Variants in GLOD5 observed in about 807,000 individuals in gnomAD.
GLOD5 encodes the protein glyoxalase domain-containing protein 5.
In GLOD5, 7 loss-of-function variants were observed where a neutral mutation model predicts 9.9. That is an observed-to-expected ratio of 0.71 (90% CI 0.40 to 1.33). The LOEUF is 1.33. Ranked by LOEUF, GLOD5 falls within the 40% of genes most tolerant of loss-of-function variation. The pLI, the probability that GLOD5 is intolerant of heterozygous loss-of-function variation, is 0.01. For synonymous variants in GLOD5, 49 were observed against 47.3 expected, an observed-to-expected ratio of 1.04 and a Z score of -0.14; for missense variants, 146 against 128.4, an observed-to-expected ratio of 1.14 and a Z score of -0.66.
intron 1 of GLOD5, chrX:48,762,384 G>C (rs2062598492): frequency 9.1e-6 from 1 of 109,691 alleles, no homozygotes; most frequent in Admixed American, 9.8e-5. Flanking sequence ...TATTTTTGTA[G>C]AGTGTGTAAA....
intron 1 of GLOD5, chrX:48,762,436 C>CTTTTTTTTT (rs782634445): frequency 1.1e-5 from 1 of 91,063 alleles, no homozygotes; most frequent in African/African-American, 4.0e-5. Context: ...ATTACTATGT[C>CTTTTTTTTT]TTTTTTTTTT....
At chrX:48,770,085 G>A (rs782131932) in intron 2 of GLOD5, among the ~76,000 whole-genome samples, 1 of 108,909 alleles carries the variant, frequency 9.2e-6, no homozygotes, top group Non-Finnish European at 1.9e-5. Context: ...GACCAGCCTG[G>A]CCAACATAGC....
chrX:48,772,082 AAC>A (rs1490607017), intron 3 of GLOD5, among the ~76,000 whole-genome samples: 1 of 109,835 alleles, frequency 9.1e-6, no homozygotes, highest in Non-Finnish European at 1.9e-5. Flanking sequence ...AAAAAAAATA[AAC>A]AGAGTAGCCA....
chrX:48,765,725 G>A, intron 1 of GLOD5, 110 bp from the exon 2 acceptor site: 1 of 860,342 alleles, frequency 1.2e-6, no homozygotes, highest in Admixed American at 2.2e-5. Context: ...CTTGAAGGGG[G>A]GTGAGGAGGA....
chrX:48,768,867 T>C (rs782268462), intron 2 of GLOD5, among the ~76,000 whole-genome samples: 220 of 109,457 alleles, frequency 2.0e-3, no homozygotes, highest in Non-Finnish European at 3.7e-3. Flanking sequence ...CCATCTCTAC[T>C]AAAACTACAA....
intron 2 of GLOD5, among the ~76,000 whole-genome samples, chrX:48,768,923 G>A (rs1226199438): frequency 9.2e-6 from 1 of 108,967 alleles, no homozygotes; most frequent in Non-Finnish European, 1.9e-5. Flanking sequence ...CCAGCTACTC[G>A]GGAGGCTGAG....
chrX:48,762,692 C>G (rs868979019), intron 1 of GLOD5, among the ~76,000 whole-genome samples: 4 of 111,280 alleles, frequency 3.6e-5, no homozygotes, highest in Admixed American at 9.6e-5. Flanking sequence ...CCACCTTGGC[C>G]TCCCAAAGTG....
intron 2 of GLOD5, among the ~76,000 whole-genome samples, chrX:48,770,487 G>A (rs1263102059): frequency 1.8e-5 from 2 of 111,201 alleles, no homozygotes; most frequent in African/African-American, 6.5e-5. Context: ...ATAAGGGCCA[G>A]CGCAGTAGGG....
Position 48,765,900 on chromosome X carries a change from G to A in GLOD5, c.129G>A (p.Met43Ile), listed in dbSNP as rs1557016645. ...CLIRRLDHIV[M>I]TVKSIKDTTM... Reference sequence around the variant, plus strand: ...TCCGTAGACTTGACCACATCGTGATGACGGTGAAGAGCATCAAAGACACCA... The same window carrying A: ...TCCGTAGACTTGACCACATCGTGATAACGGTGAAGAGCATCAAAGACACCA... The change falls in exon 2 of 4, where the codon ATG (methionine) becomes ATA (isoleucine). Residue 43 changes from methionine (M) to isoleucine (I), a missense_variant. Coordinates refer to ENST00000303227, the MANE Select transcript of GLOD5 (RefSeq NM_001080489.3). The A allele has an allele frequency of 8.3e-7, 1 of 1,202,089 alleles. No individual in the cohort carries two copies. Among genetic ancestry groups the A allele is most frequent in the Non-Finnish European group, 1.1e-6 (1 of 889,542 alleles).
chrX:48,773,463 C>T lies in GLOD5; in HGVS notation c.*28C>T. Reference sequence around the variant, plus strand: ...GAGGCTGGACCTCCTCCATTCTGTCCCCCTTGATGTCGCCCTCTCCTTTCC... The same window carrying T: ...GAGGCTGGACCTCCTCCATTCTGTCTCCCTTGATGTCGCCCTCTCCTTTCC... On this transcript the variant is annotated 3_prime_UTR_variant, in exon 4 of 4. Transcript: ENST00000303227. 8.4e-7 allele frequency: 1 copy of T among 1,197,341 alleles called. No homozygotes were observed.
chrX:48,768,328 C>A (rs781912091), intron 2 of GLOD5, among the ~76,000 whole-genome samples: 1 of 112,280 alleles, frequency 8.9e-6, no homozygotes, highest in East Asian at 2.8e-4. Context: ...AACAGTAACA[C>A]ACTTTTTACA....
At chrX:48,764,274 T>C (rs1557016322) in intron 1 of GLOD5, among the ~76,000 whole-genome samples, 1 of 110,840 alleles carries the variant, frequency 9.0e-6, no homozygotes, top group Non-Finnish European at 1.9e-5. Flanking sequence ...ACAGTGTAGA[T>C]TGGAGTTCAA....
chrX:48,770,939 G>C lies in GLOD5; in HGVS notation c.214G>C (p.Ala72Pro). 1.7e-6 allele frequency: 2 copies of C among 1,191,652 alleles called. No homozygotes were observed. The highest frequency in any genetic ancestry group is 3.8e-5 in the South Asian group (2 of 52,769). Residue 72 changes from alanine to proline, a missense_variant, in exon 3 of 4, where the codon GCA (alanine) becomes CCA (proline). Transcript: ENST00000303227. ...EVMTFKEDRK[A>P]LCFGDQKFNL... The stretch of plus-strand genomic sequence containing the variant: ...CCCCACCAAGTAGGAAGACCGGAAA[G>C]CACTGTGTTTTGGAGACCAGAAATT...
intron 3 of GLOD5, among the ~76,000 whole-genome samples, chrX:48,772,381 C>CA (rs1237459597): frequency 1.8e-4 from 20 of 108,826 alleles, no homozygotes; most frequent in African/African-American, 5.0e-4. Context: ...ACATAAAATA[C>CA]AAAAAAAAAT....
rs2062621090 is a variant in GLOD5 at position 48,771,054 on chromosome X, C to T, written c.329C>T (p.Pro110Leu). 1 of 1,193,083 alleles carries T rather than the reference C, an allele frequency of 8.4e-7. No individual in the cohort carries two copies. Among genetic ancestry groups the T allele is most frequent in the Non-Finnish European group, 1.1e-6 (1 of 888,936 alleles). Reference sequence around the variant, plus strand: ...GACATATGTCTGATCACAGAGGTGCCTTTGGAGGAAATGATCCAGCACCTC... The same window carrying T: ...GACATATGTCTGATCACAGAGGTGCTTTTGGAGGAAATGATCCAGCACCTC... ...SLDICLITEV[P>L]LEEMIQHLKA... The change falls in exon 3 of 4, where the codon CCT becomes CTT. Residue 110 changes from proline to leucine, a missense_variant. Physicochemically the swap from Pro to Leu is moderately conservative, Grantham distance 98. Coordinates refer to ENST00000303227, the MANE Select transcript of GLOD5 (RefSeq NM_001080489.3).
At chrX:48,767,898 G>C (rs2062613223) in intron 2 of GLOD5, among the ~76,000 whole-genome samples, 1 of 111,107 alleles carries the variant, frequency 9.0e-6, no homozygotes, top group African/African-American at 3.3e-5. Context: ...AAACAATTAA[G>C]TACACATGAA....
Position 48,773,639 on chromosome X carries a change from T to G in GLOD5, c.*204T>G. 2.4e-6 allele frequency: 1 copy of G among 411,008 alleles called. No homozygotes were observed. The highest frequency in any genetic ancestry group is 4.2e-6 in the Non-Finnish European group (1 of 236,325). 33.9% of individuals were successfully genotyped at this position (411,008 alleles called of 1,213,427 possible). A position where few individuals can be genotyped will look rare whatever the true frequency, so the allele number is the denominator to read the frequency against. On this transcript the variant is annotated 3_prime_UTR_variant, in exon 4 of 4. Transcript: ENST00000303227. ...AAGTTGGCCTAATAAATGCATAACC[T>G]CTCAATGAATACGGGGTCTTCGTTA...
intron 2 of GLOD5, among the ~76,000 whole-genome samples, chrX:48,767,366 C>T (rs2062612070): frequency 1.8e-5 from 2 of 112,130 alleles, no homozygotes; most frequent in Non-Finnish European, 3.8e-5. Context: ...GTGGCTCATG[C>T]CTATAATCCC....
Position 48,773,503 on chromosome X carries a change from C to G in GLOD5, c.*68C>G. ...CTCTCCTTTCCTTCCTGCAAACCCC[C>G]ACCCAGGCCCAGAGATCTCCAAAGA... On this transcript the variant is annotated 3_prime_UTR_variant, in exon 4 of 4. Coordinates refer to ENST00000303227, the MANE Select transcript of GLOD5 (RefSeq NM_001080489.3). 9.0e-7 allele frequency: 1 copy of G among 1,111,212 alleles called. No individual in the cohort carries two copies. Among genetic ancestry groups the G allele is most frequent in the South Asian group, 1.9e-5 (1 of 51,643 alleles). 91.6% of individuals were successfully genotyped at this position (1,111,212 alleles called of 1,213,427 possible).
Sources: allele counts gnomAD v4.1 joint callset (sites outside exome capture counted in the v4.1 genomes callset), GRCh38; gene constraint gnomAD v4.1.1; transcripts MANE v1.5; gene names NCBI Gene and HGNC (gene_info 2026-07-23, HGNC 2026-07-21).